The following KIAA1217 variants were observed in gnomAD, a reference collection of about 807,000 sequenced individuals.
KIAA1217 encodes the protein KIAA1217.
KIAA1217 carries 88 observed loss-of-function variants against 163.9 expected under a neutral mutation model. The observed-to-expected ratio is 0.54, with a 90% CI of 0.45 to 0.64. The LOEUF (loss-of-function observed/expected upper bound fraction) is 0.64, where lower values mean the gene tolerates loss of function less well. Ranked by LOEUF, KIAA1217 falls within the 30% of genes least tolerant of loss-of-function variation. KIAA1217 has a pLI of 0.00. For synonymous variants in KIAA1217, 903 were observed against 923.1 expected (o/e 0.98, Z 0.39); for missense variants, 2,372 against 2,475.0 (o/e 0.96, Z 0.88).
At chr10:23,939,412 C>A (rs1168030983) in intron 1 of KIAA1217, among the ~76,000 whole-genome samples, 1 of 152,018 alleles carries the variant, frequency 6.6e-6, no homozygotes, top group African/African-American at 2.4e-5. Context: ...AGAAAAAGGT[C>A]TACCATGCTA....
chr10:24,538,730 T>C lies in KIAA1217; in HGVS notation c.3534+1837T>C, dbSNP rs61854203. Among the ~76,000 whole-genome samples, 481 of 115,904 alleles carry C rather than the reference T, an allele frequency of 4.1e-3. 3 individuals carry two copies. The highest frequency in any genetic ancestry group is 9.3e-3 in the Middle Eastern group (2 of 214). The allele number at this position is 115,904 out of a possible 152,430, so 76.0% of individuals were successfully genotyped here. ...GAAATATATTGATTTTTATTGTTTT[T>C]GGTTTTTTTTTTTTTTTTTTGTGAG... On this transcript the variant is annotated intron_variant, in intron 17 of 20. Coordinates refer to ENST00000376454, the MANE Select transcript of KIAA1217 (RefSeq NM_019590.5).
intron 2 of KIAA1217, among the ~76,000 whole-genome samples, chr10:24,284,769 C>G (rs983224183): frequency 2.0e-5 from 3 of 152,196 alleles, no homozygotes; most frequent in Non-Finnish European, 4.4e-5. Flanking sequence ...AAGGAGATTG[C>G]TAGGTCAAAT....
intron 2 of KIAA1217, among the ~76,000 whole-genome samples, chr10:24,113,885 A>G (rs2062950951): frequency 2.0e-5 from 3 of 152,218 alleles, no homozygotes; most frequent in African/African-American, 7.2e-5. Flanking sequence ...ATGAAAATGC[A>G]GACCCCCATG....
At chr10:24,030,891 C>A (rs996236085) in intron 2 of KIAA1217, among the ~76,000 whole-genome samples, 3 of 152,164 alleles carry the variant, frequency 2.0e-5, no homozygotes, top group Admixed American at 6.5e-5. Context: ...TATGTATATA[C>A]CACACTTTAT....
intron 5 of KIAA1217, among the ~76,000 whole-genome samples, chr10:24,465,825 G>A (rs751182574): frequency 1.3e-5 from 2 of 152,130 alleles, no homozygotes; most frequent in African/African-American, 2.4e-5. Flanking sequence ...TCTGGGGATC[G>A]CCTACCTTCT....
chr10:23,961,597 AC>A (rs1489005583), intron 1 of KIAA1217, among the ~76,000 whole-genome samples: 1 of 152,184 alleles, frequency 6.6e-6, no homozygotes. Flanking sequence ...CTTTAAAATA[AC>A]CCTTCAGCTT....
At chr10:23,980,932 T>TGCTA (rs1239011082) in intron 1 of KIAA1217, among the ~76,000 whole-genome samples, 1 of 152,266 alleles carries the variant, frequency 6.6e-6, no homozygotes, top group Non-Finnish European at 1.5e-5. Context: ...TGGTTACCTT[T>TGCTA]GCTATTTTTA....
chr10:24,169,188 C>T (rs571008116), intron 2 of KIAA1217, among the ~76,000 whole-genome samples: 1 of 152,330 alleles, frequency 6.6e-6, no homozygotes, highest in African/African-American at 2.4e-5. Context: ...CTTTAAATTG[C>T]CTGGAGCATT....
intron 1 of KIAA1217, among the ~76,000 whole-genome samples, chr10:23,725,524 T>C (rs1838088314): frequency 6.6e-6 from 1 of 152,218 alleles, no homozygotes; most frequent in Non-Finnish European, 1.5e-5. Context: ...GAGGGTAACA[T>C]TATGATTGCA....
intron 2 of KIAA1217, among the ~76,000 whole-genome samples, chr10:24,357,498 C>T (rs2049262295): frequency 6.6e-6 from 1 of 152,190 alleles, no homozygotes. Context: ...CTGGCACCTG[C>T]TATGCCAGCA....
chr10:23,775,346 G>A (rs1228104219), intron 1 of KIAA1217, among the ~76,000 whole-genome samples: 3 of 152,164 alleles, frequency 2.0e-5, no homozygotes, highest in African/African-American at 7.2e-5. Flanking sequence ...TAGGAGGAAC[G>A]GAGATGGGCA....
chr10:23,848,598 T>A (rs1438408877), intron 1 of KIAA1217, among the ~76,000 whole-genome samples: 1 of 152,094 alleles, frequency 6.6e-6, no homozygotes, highest in Non-Finnish European at 1.5e-5. Flanking sequence ...CATGGGTCTC[T>A]TCTGGCATTT....
intron 2 of KIAA1217, among the ~76,000 whole-genome samples, chr10:24,282,701 C>A (rs1041714955): frequency 6.6e-6 from 1 of 151,170 alleles, no homozygotes; most frequent in Non-Finnish European, 1.5e-5. Flanking sequence ...TGTGGCTCTT[C>A]TTTATGGCAC....
chr10:24,097,119 A>T (rs575439391), intron 2 of KIAA1217, among the ~76,000 whole-genome samples: 1 of 152,334 alleles, frequency 6.6e-6, no homozygotes, highest in African/African-American at 2.4e-5. Flanking sequence ...TGGGGAAACC[A>T]ACAACACTAT....
intron 2 of KIAA1217, among the ~76,000 whole-genome samples, chr10:24,369,601 G>A (rs887623769): frequency 5.3e-5 from 8 of 152,144 alleles, no homozygotes; most frequent in Non-Finnish European, 8.8e-5. Context: ...TGAAGCCTAG[G>A]TTGCAGAGAT....
intron 3 of KIAA1217, among the ~76,000 whole-genome samples, chr10:24,393,039 C>G (rs2055198890): frequency 6.6e-6 from 1 of 152,086 alleles, no homozygotes; most frequent in Non-Finnish European, 1.5e-5. Context: ...AAGTTCCCCA[C>G]ATTTTTAGCA....
chr10:24,423,328 AG>A (rs907582878), intron 3 of KIAA1217, among the ~76,000 whole-genome samples: 1 of 151,576 alleles, frequency 6.6e-6, no homozygotes, highest in Non-Finnish European at 1.5e-5. Flanking sequence ...TTTGTCGCCC[AG>A]GCTGGAGTGC....
intron 14 of KIAA1217, 118 bp from the exon 15 acceptor site, chr10:24,531,712 C>G: frequency 1.0e-6 from 1 of 992,102 alleles, no homozygotes. Flanking sequence ...AATCCTTGCT[C>G]TATGGAGAGA....
chr10:23,775,719 A>G (rs1049245811), intron 1 of KIAA1217, among the ~76,000 whole-genome samples: 3 of 152,222 alleles, frequency 2.0e-5, no homozygotes, highest in African/African-American at 4.8e-5. Context: ...TCATACTAGT[A>G]TTTCACATAA....
Sources: gnomAD v4.1 joint callset for allele counts (sites outside exome capture counted in the v4.1 genomes callset) on GRCh38, gnomAD v4.1.1 for gene constraint, MANE v1.5 for transcripts, NCBI Gene and HGNC (gene_info 2026-07-23, HGNC 2026-07-21) for gene names.